PIP4P2: variants seen among roughly 807,000 people sequenced by gnomAD.
PIP4P2 encodes the protein phosphatidylinositol-4,5-bisphosphate 4-phosphatase 2.
PIP4P2 carries 19 observed loss-of-function variants against 33.3 expected under a neutral mutation model. That is an observed-to-expected ratio of 0.57 (90% CI 0.40 to 0.84). The LOEUF (loss-of-function observed/expected upper bound fraction) is 0.84, where lower values mean the gene tolerates loss of function less well. Ranked by LOEUF, PIP4P2 falls within the 40% of genes least tolerant of loss-of-function variation. The pLI, the probability that PIP4P2 is intolerant of heterozygous loss-of-function variation, is 0.00. For missense variants in PIP4P2, 270 were observed against 324.7 expected, an observed-to-expected ratio of 0.83 and a Z score of 1.29; for synonymous variants, 110 against 111.9, an observed-to-expected ratio of 0.98 and a Z score of 0.11.
At chr8:91,028,281 C>T (rs753883127) in intron 1 of PIP4P2, among the ~76,000 whole-genome samples, 1 of 152,154 alleles carries the variant, frequency 6.6e-6, no homozygotes, top group Non-Finnish European at 1.5e-5. Context: ...AAGAGAGAGT[C>T]ACAATCTTTC....
At chr8:91,024,879 A>C (rs1214688723) in intron 1 of PIP4P2, among the ~76,000 whole-genome samples, 1 of 152,170 alleles carries the variant, frequency 6.6e-6, no homozygotes, top group African/African-American at 2.4e-5. Context: ...CAATGTTAGA[A>C]ATTCAAACAA....
At chr8:91,033,537 T>C (rs1812198068) in intron 1 of PIP4P2, among the ~76,000 whole-genome samples, 2 of 152,154 alleles carry the variant, frequency 1.3e-5, no homozygotes, top group South Asian at 4.1e-4. Flanking sequence ...TCATGTCTCA[T>C]TAGTCTGTTC....
chr8:91,024,070 G>A (rs1344693171), intron 1 of PIP4P2, among the ~76,000 whole-genome samples: 2 of 152,052 alleles, frequency 1.3e-5, no homozygotes, highest in Non-Finnish European at 2.9e-5. Flanking sequence ...ATAATGCACT[G>A]AGAGAGGTGA....
chr8:91,034,312 G>A (rs1812207639), intron 1 of PIP4P2, among the ~76,000 whole-genome samples: 1 of 152,166 alleles, frequency 6.6e-6, no homozygotes, highest in African/African-American at 2.4e-5. Context: ...AGAAGGAAAT[G>A]TGGGCATTAT....
chr8:91,000,653 T>G (rs1811688280), intron 5 of PIP4P2, among the ~76,000 whole-genome samples: 2 of 151,972 alleles, frequency 1.3e-5, no homozygotes, highest in Admixed American at 1.3e-4. Context: ...TTATTGAAAA[T>G]ATGCCTTTTG....
intron 4 of PIP4P2, among the ~76,000 whole-genome samples, chr8:91,011,325 G>T (rs975499204): frequency 6.6e-6 from 1 of 151,982 alleles, no homozygotes; most frequent in African/African-American, 2.4e-5. Flanking sequence ...GAGACCATGG[G>T]CCCTACAGAA....
intron 3 of PIP4P2, among the ~76,000 whole-genome samples, 173 bp downstream of exon 3, chr8:91,019,984 G>C (rs1362996710): frequency 6.6e-6 from 1 of 152,202 alleles, no homozygotes; most frequent in East Asian, 1.9e-4. Context: ...AAATATCTAT[G>C]ACTAAGTTCA....
At position 91,021,239 on chromosome 8, in the gene PIP4P2, T is replaced by A; in HGVS notation, c.255+17A>T. The A allele has an allele frequency of 6.2e-7, 1 of 1,611,380 alleles. No individual in the cohort carries two copies. Among genetic ancestry groups the A allele is most frequent in the South Asian group, 1.1e-5 (1 of 90,910 alleles). ...AAATAACAATTTATATTTTTTCTAA[T>A]GGAAATCTCCACTTACCGTAGCTTC... On this transcript the variant is annotated intron_variant, in intron 2 of 6. Coordinates refer to ENST00000285419, the MANE Select transcript of PIP4P2 (RefSeq NM_018710.3).
intron 1 of PIP4P2, among the ~76,000 whole-genome samples, chr8:91,028,321 G>A (rs74752073): frequency 1.3e-3 from 196 of 152,300 alleles, no homozygotes; most frequent in South Asian, 3.1e-3. Flanking sequence ...TAGGTTCAAC[G>A]TGTACTGTAA....
intron 1 of PIP4P2, among the ~76,000 whole-genome samples, chr8:91,024,853 A>G (rs1212826319): frequency 6.6e-6 from 1 of 152,138 alleles, no homozygotes; most frequent in Admixed American, 6.6e-5. Flanking sequence ...AACTCCCTCA[A>G]AGCTCCAGAA....
At chr8:91,023,508 A>G (rs976954117) in intron 1 of PIP4P2, among the ~76,000 whole-genome samples, 1 of 151,998 alleles carries the variant, frequency 6.6e-6, no homozygotes, top group African/African-American at 2.4e-5. Context: ...AGGGCATTAG[A>G]GCCAGTAAAA....
Position 91,020,226 on chromosome 8 carries a change from C to G in PIP4P2, c.293G>C (p.Arg98Thr). 1 of 1,613,762 alleles carries G rather than the reference C, an allele frequency of 6.2e-7. No homozygotes were observed. Among genetic ancestry groups the G allele is most frequent in the Non-Finnish European group, 8.5e-7 (1 of 1,179,814 alleles). The change falls in exon 3 of 7, where the codon AGA becomes ACA. Residue 98 changes from arginine (R) to threonine (T), a missense_variant. By Grantham distance (71) the Arg-to-Thr change is moderately conservative (BLOSUM62 -1). Transcript: ENST00000285419. ...AATGAGAAGACAATTACAAGGGCAT[C>G]TAACATATTTCTTGCCTGTTGGGGG... ...KNPPTGKKYV[R>T]CPCNCLLICK...
intron 1 of PIP4P2, among the ~76,000 whole-genome samples, chr8:91,036,937 C>A (rs1220725913): frequency 6.6e-6 from 1 of 152,152 alleles, no homozygotes; most frequent in African/African-American, 2.4e-5. Flanking sequence ...GCTGGTCAGG[C>A]ATCTTTCTCT....
At chr8:91,038,127 T>C (rs1489928202) in intron 1 of PIP4P2, among the ~76,000 whole-genome samples, 2 of 152,212 alleles carry the variant, frequency 1.3e-5, no homozygotes, top group Non-Finnish European at 2.9e-5. Flanking sequence ...ATTTTTCTTG[T>C]GCTAAAACCA....
chr8:91,004,192 C>A (rs1385878587), intron 5 of PIP4P2, among the ~76,000 whole-genome samples: 5 of 152,152 alleles, frequency 3.3e-5, no homozygotes, highest in Non-Finnish European at 7.3e-5. Context: ...GGAGGAAGGT[C>A]TGCGGAGCTG....
chr8:91,006,767 G>C (rs937505751), intron 5 of PIP4P2, among the ~76,000 whole-genome samples: 1 of 152,198 alleles, frequency 6.6e-6, no homozygotes, highest in African/African-American at 2.4e-5. Context: ...TCAGGAGTTC[G>C]AGACCAGCCT....
intron 1 of PIP4P2, among the ~76,000 whole-genome samples, chr8:91,040,180 T>C (rs929520444): frequency 6.6e-6 from 1 of 152,184 alleles, no homozygotes; most frequent in Non-Finnish European, 1.5e-5. Flanking sequence ...AAGCATATTG[T>C]TCAAGCTAAA....
chr8:91,032,978 T>C (rs1438406120), intron 1 of PIP4P2, among the ~76,000 whole-genome samples: 1 of 152,142 alleles, frequency 6.6e-6, no homozygotes, highest in Non-Finnish European at 1.5e-5. Context: ...TCCATCTAGC[T>C]AACATTTGTA....
At chr8:91,001,351 G>A (rs1463581400) in intron 5 of PIP4P2, among the ~76,000 whole-genome samples, 1 of 152,024 alleles carries the variant, frequency 6.6e-6, no homozygotes, top group Non-Finnish European at 1.5e-5. Flanking sequence ...GTCTATCACT[G>A]TAAGGATCCT....
Sources: gnomAD v4.1 joint callset for allele counts (sites outside exome capture counted in the v4.1 genomes callset) on GRCh38, gnomAD v4.1.1 for gene constraint, MANE v1.5 for transcripts, NCBI Gene and HGNC (gene_info 2026-07-23, HGNC 2026-07-21) for gene names.